Variants in AOPEP observed in about 807,000 individuals in gnomAD.
AOPEP encodes the protein aminopeptidase O.
AOPEP carries 77 observed loss-of-function variants against 98.1 expected under a neutral mutation model. That is an observed-to-expected ratio of 0.78 (90% CI 0.65 to 0.95). AOPEP has a LOEUF of 0.95. Ranked by LOEUF, AOPEP falls within the 40% of genes least tolerant of loss-of-function variation. The pLI is 0.00. For missense variants in AOPEP, 1,024 were observed against 1,024.7 expected (o/e 1.00, Z 0.01); for synonymous variants, 346 against 365.3 (o/e 0.95, Z 0.60).
chr9:95,106,759 C>T, the AOPEP span, among the ~76,000 whole-genome samples: 6 of 152,292 alleles, frequency 3.9e-5, no homozygotes, highest in East Asian at 1.9e-4. Flanking sequence ...CAGCACACTG[C>T]GATGGAAAGA....
At chr9:95,076,331 C>T (rs2069063833) in intron 14 of AOPEP, among the ~76,000 whole-genome samples, 1 of 152,158 alleles carries the variant, frequency 6.6e-6, no homozygotes, top group African/African-American at 2.4e-5. Context: ...GGACACCCCA[C>T]ATCTAGGAAG....
the AOPEP span, chr9:95,101,967 A>G: frequency 4.2e-6 from 5 of 1,191,210 alleles, no homozygotes; most frequent in Admixed American, 9.7e-5. Flanking sequence ...CAGCATTTCC[A>G]TCAGTTCCAA....
intron 1 of AOPEP, among the ~76,000 whole-genome samples, chr9:94,743,035 C>T (rs377584658): frequency 9.9e-5 from 15 of 152,024 alleles, no homozygotes; most frequent in African/African-American, 2.4e-4. Context: ...AGAGGGCCCA[C>T]GGCTAAGCCT....
chr9:94,781,442 G>A (rs1843216365), intron 3 of AOPEP, among the ~76,000 whole-genome samples: 1 of 151,654 alleles, frequency 6.6e-6, no homozygotes, highest in South Asian at 2.1e-4. Flanking sequence ...CATTTCTTTT[G>A]CTTTTGTTGC....
chr9:94,897,604 CA>C (rs1382196752), intron 5 of AOPEP, among the ~76,000 whole-genome samples: 1 of 151,918 alleles, frequency 6.6e-6, no homozygotes, highest in Non-Finnish European at 1.5e-5. Context: ...GAAAGAAATA[CA>C]AAAAGAAATA....
chr9:94,918,057 A>G, intron 5 of AOPEP, among the ~76,000 whole-genome samples: 1 of 152,122 alleles, frequency 6.6e-6, no homozygotes, highest in East Asian at 1.9e-4. Context: ...GCTTTAAACC[A>G]TCTCTACTTG....
chr9:94,875,564 C>T (rs1224807684), intron 5 of AOPEP, among the ~76,000 whole-genome samples: 2 of 152,132 alleles, frequency 1.3e-5, no homozygotes, highest in East Asian at 3.8e-4. Context: ...TAGTTGGCCA[C>T]CTGTGAGTGG....
chr9:94,741,616 C>T (rs938655702), intron 1 of AOPEP, among the ~76,000 whole-genome samples: 2 of 151,930 alleles, frequency 1.3e-5, no homozygotes, highest in Non-Finnish European at 2.9e-5. Flanking sequence ...ATTAAATTAG[C>T]GCTTCAGGAA....
the AOPEP span, among the ~76,000 whole-genome samples, chr9:95,096,862 G>GAATC: frequency 1.4e-3 from 211 of 152,374 alleles, no homozygotes; most frequent in Non-Finnish European, 2.6e-3. Flanking sequence ...ATGAATGTTG[G>GAATC]AATCAGGTTG....
intron 5 of AOPEP, among the ~76,000 whole-genome samples, chr9:94,913,859 A>G (rs936574697): frequency 2.0e-5 from 3 of 152,244 alleles, no homozygotes; most frequent in South Asian, 4.1e-4. Context: ...ATTATAAGCC[A>G]TTAGTGGCTA....
intron 3 of AOPEP, among the ~76,000 whole-genome samples, chr9:94,776,238 GAATA>G (rs1458806506): frequency 2.6e-5 from 4 of 151,970 alleles, no homozygotes; most frequent in Admixed American, 2.0e-4. Flanking sequence ...TTCCCTTTTA[GAATA>G]AATTTATTTT....
At chr9:94,851,987 C>A (rs187993274) in intron 5 of AOPEP, among the ~76,000 whole-genome samples, 8 of 151,842 alleles carry the variant, frequency 5.3e-5, no homozygotes, top group African/African-American at 1.9e-4. Flanking sequence ...CAGCAAAGAC[C>A]GTTTGACAAC....
chr9:94,895,219 T>TAATAAAAAAAAAAAAAAA (rs1204411552), intron 5 of AOPEP, among the ~76,000 whole-genome samples: 1 of 60,640 alleles, frequency 1.6e-5, no homozygotes, highest in African/African-American at 5.2e-5. Flanking sequence ...TCATCTCTAC[T>TAATAAAAAAAAAAAAAAA]AAAAAAAAAT....
At chr9:94,914,055 C>T (rs892447702) in intron 5 of AOPEP, among the ~76,000 whole-genome samples, 3 of 152,164 alleles carry the variant, frequency 2.0e-5, no homozygotes, top group Non-Finnish European at 4.4e-5. Context: ...AAAAACTAAA[C>T]AAAACAGCTT....
chr9:94,810,319 G>GT (rs528191737), intron 5 of AOPEP, among the ~76,000 whole-genome samples: 6,278 of 140,356 alleles, frequency 0.045, 158 homozygotes, highest in Admixed American at 0.076. Context: ...GGGTTTTTTT[G>GT]TTTTTTTTTT....
At chr9:94,924,965 C>T (rs765366243) in intron 6 of AOPEP, among the ~76,000 whole-genome samples, 8 of 152,176 alleles carry the variant, frequency 5.3e-5, no homozygotes, top group Non-Finnish European at 7.3e-5. Context: ...TAAGCTGCTT[C>T]GTGCTTACTT....
At chr9:94,861,191 C>G (rs1328538847) in intron 5 of AOPEP, among the ~76,000 whole-genome samples, 3 of 152,120 alleles carry the variant, frequency 2.0e-5, no homozygotes, top group Non-Finnish European at 4.4e-5. Context: ...AATTGTGGCT[C>G]TCGAGGAGGC....
At chr9:94,746,448 A>G (rs1259011015) in intron 1 of AOPEP, among the ~76,000 whole-genome samples, 2 of 152,148 alleles carry the variant, frequency 1.3e-5, no homozygotes, top group African/African-American at 2.4e-5. Flanking sequence ...TAAAAAATGG[A>G]GTAGAAAAGT....
chr9:94,850,555 C>T (rs919597107), intron 5 of AOPEP, among the ~76,000 whole-genome samples: 1 of 152,156 alleles, frequency 6.6e-6, no homozygotes, highest in Non-Finnish European at 1.5e-5. Flanking sequence ...AACTGAAGCC[C>T]ATATACTCAG....
Sources: gnomAD v4.1 joint callset for allele counts (sites outside exome capture counted in the v4.1 genomes callset) on GRCh38, gnomAD v4.1.1 for gene constraint, MANE v1.5 for transcripts, NCBI Gene and HGNC (gene_info 2026-07-23, HGNC 2026-07-21) for gene names.